PRKCZ: variants seen among roughly 807,000 people sequenced by gnomAD.
PRKCZ encodes the protein protein kinase C zeta type.
Under a neutral mutation model 79.5 loss-of-function variants are expected in PRKCZ, and 33 were observed. That is an observed-to-expected ratio of 0.41 (90% confidence interval 0.31 to 0.55). The LOEUF (loss-of-function observed/expected upper bound fraction) is 0.55. Among genes scored for constraint, PRKCZ ranks in the 20% least tolerant of loss-of-function variants. The pLI, the probability that PRKCZ is intolerant of heterozygous loss-of-function variation, is 0.19. For synonymous variants in PRKCZ, 342 were observed against 320.9 expected, an observed-to-expected ratio of 1.07 and a Z score of -0.70; for missense variants, 578 against 813.5, an observed-to-expected ratio of 0.71 and a Z score of 3.52.
intron 4 of PRKCZ, among the ~76,000 whole-genome samples, chr1:2,107,023 C>T (rs1053295848): frequency 2.7e-5 from 4 of 149,072 alleles, no homozygotes; most frequent in African/African-American, 9.8e-5. Context: ...GCGGTTTCTC[C>T]GGCTCGGCTG....
At chr1:2,131,978 A>AT (rs1242328895) in intron 4 of PRKCZ, among the ~76,000 whole-genome samples, 1 of 151,880 alleles carries the variant, frequency 6.6e-6, no homozygotes, top group Admixed American at 6.6e-5. Context: ...CACCCGACTA[A>AT]TTTTTTGTAT....
intron 4 of PRKCZ, among the ~76,000 whole-genome samples, chr1:2,104,504 GA>G (rs1386179698): frequency 6.6e-6 from 1 of 152,128 alleles, no homozygotes; most frequent in Non-Finnish European, 1.5e-5. Context: ...GGAGTGAGGG[GA>G]CAGACAGGGG....
chr1:2,121,724 G>A (rs1358033945), intron 4 of PRKCZ, among the ~76,000 whole-genome samples: 1 of 89,346 alleles, frequency 1.1e-5, no homozygotes, highest in African/African-American at 4.8e-5. Flanking sequence ...TTAGGGTCAC[G>A]GCGGTACTTA....
intron 16 of PRKCZ, among the ~76,000 whole-genome samples, chr1:2,180,811 A>C (rs1686459628): frequency 6.6e-6 from 1 of 152,088 alleles, no homozygotes; most frequent in South Asian, 2.1e-4. Flanking sequence ...CCCCCAGGGC[A>C]CTACCTCCTG....
intron 4 of PRKCZ, among the ~76,000 whole-genome samples, chr1:2,061,676 C>T (rs1660689307): frequency 6.6e-6 from 1 of 152,126 alleles, no homozygotes; most frequent in African/African-American, 2.4e-5. Context: ...GGGTGGGGAG[C>T]CCTGCCCTGC....
chr1:2,158,876 G>A (rs1681649222), intron 10 of PRKCZ, among the ~76,000 whole-genome samples: 1 of 152,144 alleles, frequency 6.6e-6, no homozygotes, highest in Non-Finnish European at 1.5e-5. Context: ...TGTCCTGTGG[G>A]AGCATTCGGC....
In PRKCZ at chr1:2,094,597, G is replaced by GC. The variant is rs1268862056; in HGVS notation, c.334+35006_334+35007insC. ...CGCTGCCCGTTCTGAGGCGCCCGCTGTGCCCGGCTCGATGAACCTTGGGCG... is the reference window on the plus strand; with the variant it reads ...CGCTGCCCGTTCTGAGGCGCCCGCTGCTGCCCGGCTCGATGAACCTTGGGCG... On this transcript the variant is annotated intron_variant, in intron 4 of 17. Transcript: ENST00000378567. This position sits in a 1 kb window ranked among gnomAD's most constrained non-coding sequence, Gnocchi z 7.3. Among the ~76,000 whole-genome samples the GC allele has an allele frequency of 1.1e-5, 1 of 90,368 alleles. No individual in the cohort carries two copies. The highest frequency in any genetic ancestry group is 1.9e-5 in the Non-Finnish European group (1 of 51,370). The allele number at this position is 90,368 out of a possible 152,430, so 59.3% of individuals were successfully genotyped here.
chr1:2,131,710 C>T (rs1401138), intron 4 of PRKCZ, among the ~76,000 whole-genome samples: 35,600 of 152,228 alleles, frequency 0.23, 4,784 homozygotes, highest in Admixed American at 0.33. Flanking sequence ...TGTCCCCCGC[C>T]GCTGCTAGCC....
rs893402625 is a variant in PRKCZ at position 2,172,970 on chromosome 1, G to C, written c.1285+582G>C. On this transcript the variant is annotated intron_variant, in intron 13 of 17. Transcript: ENST00000378567. This position sits in a 1 kb window ranked among gnomAD's most constrained non-coding sequence, Gnocchi z 7.8. Reference sequence around the variant, plus strand: ...GGCACGCGTGTGCAGCCGTGTGTGCGTGTGTGAAACGGGGACGTGGGCACG... The same window carrying C: ...GGCACGCGTGTGCAGCCGTGTGTGCCTGTGTGAAACGGGGACGTGGGCACG... Among the ~76,000 whole-genome samples the C allele has an allele frequency of 6.6e-6, 1 of 151,976 alleles. No individual in the cohort carries two copies. The highest frequency in any genetic ancestry group is 6.5e-5 in the Admixed American group (1 of 15,282).
chr1:2,051,317 G>A (rs1356868694), intron 1 of PRKCZ, among the ~76,000 whole-genome samples: 1 of 152,220 alleles, frequency 6.6e-6, no homozygotes, highest in Non-Finnish European at 1.5e-5. Flanking sequence ...CTGGAGCGGA[G>A]GGGTCCTGGA....
intron 4 of PRKCZ, among the ~76,000 whole-genome samples, chr1:2,118,851 A>C (rs1337388470): frequency 6.6e-6 from 1 of 152,030 alleles, no homozygotes; most frequent in Admixed American, 6.6e-5. Context: ...ATGACTCTTA[A>C]AAGCAGAAGT....
intron 5 of PRKCZ, among the ~76,000 whole-genome samples, chr1:2,137,472 A>G (rs1388294294): frequency 1.3e-5 from 2 of 152,148 alleles, no homozygotes; most frequent in Non-Finnish European, 2.9e-5. Context: ...GGTGTGACCC[A>G]TTACAGTGCC....
At chr1:2,169,801 G>T (rs1370139553) in intron 11 of PRKCZ, among the ~76,000 whole-genome samples, 197 bp downstream of exon 11, 4 of 134,182 alleles carry the variant, frequency 3.0e-5, no homozygotes, top group African/African-American at 1.1e-4. Flanking sequence ...CGGGGGCGGG[G>T]GGGGCGGGGT....
At chr1:2,117,998 C>CTTTTATTTTTTTTTTTTTT (rs1671081956) in intron 4 of PRKCZ, among the ~76,000 whole-genome samples, 1 of 65,058 alleles carries the variant, frequency 1.5e-5, no homozygotes, top group Non-Finnish European at 2.7e-5. Flanking sequence ...CCTATTATTT[C>CTTTTATTTTTTTTTTTTTT]TTTTTTTTTT....
intron 1 of PRKCZ, 76 bp from the exon 2 acceptor site, chr1:2,055,365 G>T (rs943602153): frequency 3.0e-5 from 45 of 1,493,814 alleles, no homozygotes; most frequent in Non-Finnish European, 2.5e-5. Flanking sequence ...CAATGATTTG[G>T]TTAGTTGGTA....
intron 4 of PRKCZ, among the ~76,000 whole-genome samples, chr1:2,130,970 C>T (rs1674837638): frequency 6.6e-6 from 1 of 152,102 alleles, no homozygotes; most frequent in South Asian, 2.1e-4. Context: ...AGCAGTACTC[C>T]CGCCTGACAC....
chr1:2,113,568 G>A (rs1670166748), intron 4 of PRKCZ, among the ~76,000 whole-genome samples: 1 of 152,214 alleles, frequency 6.6e-6, no homozygotes, highest in African/African-American at 2.4e-5. Context: ...AGTGAGCTGG[G>A]ATGGACTTCT....
At position 2,128,846 on chromosome 1, in the gene PRKCZ, A is replaced by G. The variant is rs969365284; in HGVS notation, c.335-6416A>G. 5.9e-5 allele frequency among the ~76,000 whole-genome samples: 9 copies of G among 152,182 alleles called. No individual in the cohort carries two copies. The highest frequency in any genetic ancestry group is 8.8e-5 in the Non-Finnish European group (6 of 68,032). On this transcript the variant is annotated intron_variant, in intron 4 of 17. Transcript: ENST00000378567. The surrounding 1 kb of genome is among the most constrained non-coding windows in gnomAD (Gnocchi z 6.5). ...GCTTGACTTTGAGACCCTGTTCCAC[A>G]GAGGTAGCCGGGGGACTCGCGGTGC... is the stretch of plus-strand genomic sequence containing the variant.
chr1:2,085,285 G>A (rs142944141), intron 4 of PRKCZ, among the ~76,000 whole-genome samples: 1 of 152,360 alleles, frequency 6.6e-6, no homozygotes, highest in African/African-American at 2.4e-5. Context: ...CGTGAAGCTG[G>A]TAGCACACAG....
Sources: allele counts gnomAD v4.1 joint callset (sites outside exome capture counted in the v4.1 genomes callset), GRCh38; gene constraint gnomAD v4.1.1; non-coding constraint Gnocchi (gnomAD v3.1); transcripts MANE v1.5; gene names NCBI Gene and HGNC (gene_info 2026-07-23, HGNC 2026-07-21).